The following HMGB2 variants were observed in gnomAD, a reference collection of about 807,000 sequenced individuals.
HMGB2 encodes high mobility group protein B2.
Under a neutral mutation model 23.0 loss-of-function variants are expected in HMGB2, and 2 were observed. The observed-to-expected ratio is 0.09, with a 90% CI of 0.04 to 0.27. The LOEUF is 0.27. Among genes scored for constraint, HMGB2 ranks in the 10% least tolerant of loss-of-function variants. HMGB2 has a pLI of 1.00. For synonymous variants in HMGB2, 99 were observed against 87.5 expected (o/e 1.13, Z -0.73); for missense variants, 178 against 256.5 (o/e 0.69, Z 2.09).
chr4:173,332,324 G>T, intron 4 of HMGB2, 86 bp from the exon 5 acceptor site: 6 of 1,017,886 alleles, frequency 5.9e-6, no homozygotes, highest in South Asian at 1.6e-5. Flanking sequence ...TAAGATGATT[G>T]ACCAATAACC....
chr4:173,332,966 T>C lies in HMGB2; in HGVS notation c.326A>G (p.His109Arg). ...GTGTTCACTTTTGATCTTTGGGCGA[T>C]GTTCAGAGCAAAACAGGAAGAAGGC... ...PSAFFLFCSE[H>R]RPKIKSEHPG... The change falls in exon 4 of 5, where the codon CAT becomes CGT. Residue 109 changes from histidine to arginine, a missense_variant. Physicochemically the swap from His to Arg is conservative, Grantham distance 29 (BLOSUM62 0). Coordinates refer to ENST00000296503, the MANE Select transcript of HMGB2 (RefSeq NM_002129.4). The C allele has an allele frequency of 6.2e-7, 1 of 1,614,204 alleles. No homozygotes were observed. Among genetic ancestry groups the C allele is most frequent in the South Asian group, 1.1e-5 (1 of 91,086 alleles).
rs979206431 is a variant in HMGB2, at chr4:173,333,288, C to T, written c.151-74G>A. 17 of 1,503,924 alleles carry T rather than the reference C, an allele frequency of 1.1e-5. No individual in the cohort carries two copies. The highest frequency in any genetic ancestry group is 1.4e-5 in the African/African-American group (1 of 71,126). 93.2% of individuals were successfully genotyped at this position (1,503,924 alleles called of 1,614,324 possible). On this transcript the variant is annotated intron_variant, in intron 2 of 4. Transcript: ENST00000296503. This position sits in a 1 kb window ranked among gnomAD's most constrained non-coding sequence, Gnocchi z 4.6. ...AAACATCCAAAGACGACAAGATCAT[C>T]TTTAAGGACCACATTTTCCTTAACA...
Position 173,332,014 on chromosome 4 carries a change from ATT to A in HMGB2, c.*64_*65del. 1.2e-6 allele frequency: 2 copies of A among 1,603,422 alleles called. No homozygotes were observed. Among genetic ancestry groups the A allele is most frequent in the Non-Finnish European group, 1.7e-6 (2 of 1,175,654 alleles). On this transcript the variant is annotated 3_prime_UTR_variant, in exon 5 of 5. Transcript: ENST00000296503. ...AGTATTGAGCTGCACTTGAATTCAC[ATT>A]CTTAGCAAAATAATTGCCTGAGCAC...
rs1180773200 is a variant in HMGB2 at position 173,331,382 on chromosome 4, A to ATG, written c.*697_*698insCA. Among the ~76,000 whole-genome samples the ATG allele has an allele frequency of 7.2e-5, 10 of 138,872 alleles. No homozygotes were observed. The highest frequency in any genetic ancestry group is 2.1e-4 in the African/African-American group (7 of 33,428). 91.1% of individuals were successfully genotyped at this position (138,872 alleles called of 152,430 possible). A position where few individuals can be genotyped will look rare whatever the true frequency, so the allele number is the denominator to read the frequency against. ...TATATGTGTATATATATACATATAT[A>ATG]TATATATATATATGTATATATATAT... On this transcript the variant is annotated 3_prime_UTR_variant, in exon 5 of 5. Coordinates refer to ENST00000296503, the MANE Select transcript of HMGB2 (RefSeq NM_002129.4).
Position 173,331,967 on chromosome 4 carries a change from G to A in HMGB2, c.*113C>T. On this transcript the variant is annotated 3_prime_UTR_variant, in exon 5 of 5. Coordinates refer to ENST00000296503, the MANE Select transcript of HMGB2 (RefSeq NM_002129.4). ...AATCTTATCAGCTATACAAAAATCT[G>A]TACAGTTTTTATACTGAAGCTAGTA... 2 of 1,449,162 alleles carry A rather than the reference G, an allele frequency of 1.4e-6. No homozygotes were observed. Among genetic ancestry groups the A allele is most frequent in the South Asian group, 1.3e-5 (1 of 74,184 alleles). The allele number at this position is 1,449,162 out of a possible 1,614,324, so 89.8% of individuals were successfully genotyped here.
rs1428943430 is a variant in HMGB2, at chr4:173,333,222, C to A, written c.151-8G>T. 6.2e-7 allele frequency: 1 copy of A among 1,605,598 alleles called. No homozygotes were observed. Among genetic ancestry groups the A allele is most frequent in the Non-Finnish European group, 8.5e-7 (1 of 1,177,286 alleles). ...CTCCTTTGCAGACATGGTCTGTGGA[C>A]ATAAAATAAGAGCCAAAAATACAGC... On this transcript the variant is annotated splice_polypyrimidine_tract_variant and splice_region_variant and intron_variant, in intron 2 of 4. Coordinates refer to ENST00000296503, the MANE Select transcript of HMGB2 (RefSeq NM_002129.4). The surrounding 1 kb of genome is among the most constrained non-coding windows in gnomAD (Gnocchi z 4.6).
chr4:173,332,703 G>T, intron 4 of HMGB2, 118 bp downstream of exon 4: 2 of 889,306 alleles, frequency 2.2e-6, no homozygotes, highest in Non-Finnish European at 3.5e-6. Flanking sequence ...TTTTCATTAG[G>T]CCTTTTCAAA....
chr4:173,333,472 C>T lies in HMGB2; in HGVS notation c.150+28G>A, dbSNP rs370378612. Reference sequence around the variant, plus strand: ...CTAGCCGAAAACCACACCTGCACCCCCTGAGCTCCGTCCCTCTCCTGCCTC... The same window carrying T: ...CTAGCCGAAAACCACACCTGCACCCTCTGAGCTCCGTCCCTCTCCTGCCTC... On this transcript the variant is annotated intron_variant, in intron 2 of 4. Transcript: ENST00000296503. The surrounding 1 kb of genome is among the most constrained non-coding windows in gnomAD (Gnocchi z 4.6). The T allele has an allele frequency of 1.2e-6, 2 of 1,604,076 alleles. No homozygotes were observed. Among genetic ancestry groups the T allele is most frequent in the Non-Finnish European group, 1.7e-6 (2 of 1,174,284 alleles).
Position 173,332,153 on chromosome 4 carries a change from T to C in HMGB2, c.557A>G (p.Glu186Gly), listed in dbSNP as rs762867578. The change falls in exon 5 of 5, where the codon GAA becomes GGA. Residue 186 changes from glutamate to glycine, a missense_variant. Glu to Gly is a moderately conservative substitution (Grantham distance 98, BLOSUM62 -2). This residue lies in a region of HMGB2 where 45 missense variants were observed against 38.8 expected (regional missense o/e 1.16). Coordinates refer to ENST00000296503, the MANE Select transcript of HMGB2 (RefSeq NM_002129.4). ...GRPTGSKKKN[E>G]PEDEEEEEEE... is the part of the protein sequence containing the mutation. ...CTCCTCCTCCTCCTCATCTTCTGGT[T>C]CGTTCTTCTTCTTTGAGCCTGTTGG... 1.2e-6 allele frequency: 2 copies of C among 1,613,780 alleles called. No individual in the cohort carries two copies. Among genetic ancestry groups the C allele is most frequent in the Non-Finnish European group, 1.7e-6 (2 of 1,179,708 alleles).
chr4:173,332,216 T>A lies in HMGB2; in HGVS notation c.494A>T (p.Lys165Met), dbSNP rs780636859. The change falls in exon 5 of 5, where the codon AAG becomes ATG. Residue 165 changes from lysine (K) to methionine (M), a missense_variant. This residue lies in a region of HMGB2 where 43 missense variants were observed against 103.3 expected (regional missense o/e 0.42). Transcript: ENST00000296503. ...YEKDIAAYRA[K>M]GKSEAGKKGP... Reference sequence around the variant, plus strand: ...CTTCTTTCCTGCTTCACTTTTGCCCTTGGCACGATATGCAGCAATATCCTG... The same window carrying A: ...CTTCTTTCCTGCTTCACTTTTGCCCATGGCACGATATGCAGCAATATCCTG... The A allele has an allele frequency of 4.4e-5, 70 of 1,600,982 alleles. No individual in the cohort carries two copies. In the East Asian group the frequency reaches 1.6e-3, roughly 36 times the overall value.
rs999669277 is a variant in HMGB2, at chr4:173,333,542, G to C, written c.108C>G (p.Val36=). 3.1e-6 allele frequency: 5 copies of C among 1,614,042 alleles called. No homozygotes were observed. In the African/African-American group the frequency reaches 6.7e-5, roughly 22 times the overall value. Residue 36 remains valine, a synonymous_variant, in exon 2 of 5, where the codon GTC becomes GTG. Coordinates refer to ENST00000296503, the MANE Select transcript of HMGB2 (RefSeq NM_002129.4). This position sits in a 1 kb window ranked among gnomAD's most constrained non-coding sequence, Gnocchi z 4.6. ...EHKKKHPDSS[V]NFAEFSKKCS... ...ACTTCTTGGAGAATTCCGCGAAATT[G>C]ACGGAAGAGTCCGGGTGTTTCTTCT...
chr4:173,332,878 G>A lies in HMGB2; in HGVS notation c.414C>T (p.Ala138=), dbSNP rs761729686. ...KLGEMWSEQS[A]KDKQPYEQKA... is the part of the protein sequence containing the mutation. ...TCTGTTCATATGGTTGTTTATCTTT[G>A]GCTGACTGCTCAGACCACATTTCAC... The change falls in exon 4 of 5, where the codon GCC becomes GCT. Residue 138 remains alanine (A), a synonymous_variant. Transcript: ENST00000296503. 6 of 1,614,036 alleles carry A rather than the reference G, an allele frequency of 3.7e-6. No individual in the cohort carries two copies. Among genetic ancestry groups the A allele is most frequent in the Non-Finnish European group, 5.1e-6 (6 of 1,179,986 alleles).
In HMGB2 at chr4:173,333,495, C is replaced by T; in HGVS notation, c.150+5G>A. On this transcript the variant is annotated splice_donor_5th_base_variant and intron_variant, in intron 2 of 4. Transcript: ENST00000296503. This position sits in a 1 kb window ranked among gnomAD's most constrained non-coding sequence, Gnocchi z 4.6. ...CCCCTGAGCTCCGTCCCTCTCCTGC[C>T]TCACCTTCCATCTCTCCGAACACTT... 6.2e-7 allele frequency: 1 copy of T among 1,611,988 alleles called. No homozygotes were observed. Among genetic ancestry groups the T allele is most frequent in the Admixed American group, 1.7e-5 (1 of 59,860 alleles).
Position 173,332,492 on chromosome 4 carries a change from C to T in HMGB2, c.472-254G>A, listed in dbSNP as rs937729040. ...TTTACATCACACACAGTGCCATAGT[C>T]CCTCCTGTACCTTCACATTTTATAT... On this transcript the variant is annotated intron_variant, in intron 4 of 4. Transcript: ENST00000296503. The T allele has an allele frequency of 2.0e-5, 10 of 495,410 alleles. No individual in the cohort carries two copies. The Admixed American group carries it at 3.0e-4, about 15-fold the overall frequency. 30.7% of individuals were successfully genotyped at this position (495,410 alleles called of 1,614,324 possible).
chr4:173,332,087 T>G lies in HMGB2; in HGVS notation c.623A>C (p.Glu208Ala), dbSNP rs772771738. 1.9e-6 allele frequency: 3 copies of G among 1,613,610 alleles called. No homozygotes were observed. The highest frequency in any genetic ancestry group is 2.5e-6 in the Non-Finnish European group (3 of 1,179,552). Residue 208 changes from glutamate (E) to alanine (A), a missense_variant, in exon 5 of 5, where the codon GAA becomes GCA. Physicochemically the swap from Glu to Ala is moderately radical, Grantham distance 107. This residue lies in a region of HMGB2 where 45 missense variants were observed against 38.8 expected (regional missense o/e 1.16). Transcript: ENST00000296503. ...TCATTAAAGGATAGCCATTTATTCT[T>G]CATCTTCATCCTCTTCCTCCTCATC... ...DEDEEEEDED[E>A]E
At chr4:173,332,418 G>T (rs138017529) in intron 4 of HMGB2, 180 bp from the exon 5 acceptor site, 5 of 564,782 alleles carry the variant, frequency 8.9e-6, no homozygotes, top group African/African-American at 7.6e-5. Flanking sequence ...GACGTAAAAT[G>T]ACAAGGGTTG....
Position 173,333,724 on chromosome 4 carries a change from G to C in HMGB2, c.-20-55C>G. Reference sequence around the variant, plus strand: ...CCGGAGGGTCGGCGCGGAGCCCGCAGCTGCCAGGGCGGGCGCTGGCGGGGC... The same window carrying C: ...CCGGAGGGTCGGCGCGGAGCCCGCACCTGCCAGGGCGGGCGCTGGCGGGGC... On this transcript the variant is annotated intron_variant, in intron 1 of 4. Transcript: ENST00000296503. This position sits in a 1 kb window ranked among gnomAD's most constrained non-coding sequence, Gnocchi z 4.6. 7.2e-7 allele frequency: 1 copy of C among 1,388,920 alleles called. No homozygotes were observed. The highest frequency in any genetic ancestry group is 9.7e-7 in the Non-Finnish European group (1 of 1,031,552). The allele number at this position is 1,388,920 out of a possible 1,614,324, so 86.0% of individuals were successfully genotyped here.
Position 173,333,519 on chromosome 4 carries a change from T to C in HMGB2, c.131A>G (p.Lys44Arg). 1 of 1,614,018 alleles carries C rather than the reference T, an allele frequency of 6.2e-7. No individual in the cohort carries two copies. Among genetic ancestry groups the C allele is most frequent in the Non-Finnish European group, 8.5e-7 (1 of 1,179,916 alleles). ...CCTCACCTTCCATCTCTCCGAACAC[T>C]TCTTGGAGAATTCCGCGAAATTGAC... ...SSVNFAEFSK[K>R]CSERWKTMSA... is the part of the protein sequence containing the mutation. The change falls in exon 2 of 5, where the codon AAG (lysine) becomes AGG (arginine). Residue 44 changes from lysine (K) to arginine (R), a missense_variant. By Grantham distance (26) the Lys-to-Arg change is conservative. Transcript: ENST00000296503. The surrounding 1 kb of genome is among the most constrained non-coding windows in gnomAD (Gnocchi z 4.6).
Position 173,333,052 on chromosome 4 carries a change from G to C in HMGB2, c.296+17C>G, listed in dbSNP as rs528087499. 1 of 1,612,438 alleles carries C rather than the reference G, an allele frequency of 6.2e-7. No homozygotes were observed. Among genetic ancestry groups the C allele is most frequent in the East Asian group, 2.2e-5 (1 of 44,848 alleles). The stretch of plus-strand genomic sequence containing the variant: ...AAGGAAAAATCCAAGGAGCAATTTG[G>C]GTTATTTTAAACTTACGGTGGCCTT... On this transcript the variant is annotated intron_variant, in intron 3 of 4. Coordinates refer to ENST00000296503, the MANE Select transcript of HMGB2 (RefSeq NM_002129.4). The surrounding 1 kb of genome is among the most constrained non-coding windows in gnomAD (Gnocchi z 4.6).
Sources: gnomAD v4.1 joint callset for allele counts (sites outside exome capture counted in the v4.1 genomes callset) on GRCh38, gnomAD v4.1.1 for gene constraint, gnomAD v4.1.1 regional missense constraint, Gnocchi (gnomAD v3.1) non-coding constraint, MANE v1.5 for transcripts, NCBI Gene and HGNC (gene_info 2026-07-23, HGNC 2026-07-21) for gene names.